The following BDH1 variants were observed in gnomAD, a reference collection of about 807,000 sequenced individuals.
BDH1 encodes the protein 3-hydroxybutyrate dehydrogenase 1.
A neutral mutation model predicts 33.1 loss-of-function variants in BDH1; 30 were observed. That is an observed-to-expected ratio of 0.91 (90% CI 0.68 to 1.23). BDH1 has a LOEUF of 1.23. Ranked by LOEUF, BDH1 falls within the 50% of genes most tolerant of loss-of-function variation. BDH1 has a pLI of 0.00. For synonymous variants in BDH1, 190 were observed against 183.6 expected, an observed-to-expected ratio of 1.03 and a Z score of -0.28; for missense variants, 443 against 464.4, an observed-to-expected ratio of 0.95 and a Z score of 0.42.
intron 2 of BDH1, among the ~76,000 whole-genome samples, chr3:197,549,509 T>G (rs532508667): frequency 6.6e-6 from 1 of 152,210 alleles, no homozygotes; most frequent in African/African-American, 2.4e-5. Context: ...ACTAACATTC[T>G]CAGCAGAGGC....
Position 197,554,110 on chromosome 3 carries a change from G to C in BDH1, c.-44+452C>G, listed in dbSNP as rs1213691660. Among the ~76,000 whole-genome samples, 1 of 151,968 alleles carries C rather than the reference G, an allele frequency of 6.6e-6. No homozygotes were observed. The highest frequency in any genetic ancestry group is 1.5e-5 in the Non-Finnish European group (1 of 68,010). On this transcript the variant is annotated intron_variant, in intron 2 of 7. Coordinates refer to ENST00000392379, the MANE Select transcript of BDH1 (RefSeq NM_203314.3). This position sits in a 1 kb window ranked among gnomAD's most constrained non-coding sequence, Gnocchi z 4.4. ...ACAAGCCCTGTACTTTCCAATTTTC[G>C]AGCCTTGCTCATCCTATACCAAACT...
In BDH1 at chr3:197,564,453, AC is replaced by A. The variant is rs1386429538; in HGVS notation, c.-44+8727del. On this transcript the variant is annotated intron_variant, in intron 1 of 6. Transcript: ENST00000358186. ...GTCTCTCTGTATGAGGTTTTAAAGT[AC>A]TTGTGACATTTAGTTACAGGGCTTT... is the stretch of plus-strand genomic sequence containing the variant. 4.2e-4 allele frequency among the ~76,000 whole-genome samples: 64 copies of A among 152,166 alleles called. 1 individual carries two copies. The highest frequency in any genetic ancestry group is 4.2e-3 in the Admixed American group (64 of 15,282).
chr3:197,515,102 CG>C (rs1366997646), intron 6 of BDH1, among the ~76,000 whole-genome samples: 1 of 152,214 alleles, frequency 6.6e-6, no homozygotes, highest in African/African-American at 2.4e-5. Context: ...GGGAACTCGG[CG>C]CTGCTTTATT....
In BDH1 at chr3:197,554,027, T is replaced by C. The variant is rs1269947667; in HGVS notation, c.-44+535A>G. 1.3e-5 allele frequency among the ~76,000 whole-genome samples: 2 copies of C among 152,128 alleles called. No individual in the cohort carries two copies. Among genetic ancestry groups the C allele is most frequent in the African/African-American group, 2.4e-5 (1 of 41,424 alleles). On this transcript the variant is annotated intron_variant, in intron 2 of 7. Transcript: ENST00000392379. This position sits in a 1 kb window ranked among gnomAD's most constrained non-coding sequence, Gnocchi z 4.4. ...GTCCTCACCTGGCTCCTCCAAACCG[T>C]ATCTCCAACTATACTTTTCTCCTCT...
chr3:197,568,207 G>A (rs1441165627), intron 1 of BDH1, among the ~76,000 whole-genome samples: 2 of 152,118 alleles, frequency 1.3e-5, no homozygotes, highest in Non-Finnish European at 2.9e-5. Context: ...CTGGGCGATA[G>A]GGAATAAAAA....
chr3:197,531,684 A>G (rs1714677310), intron 5 of BDH1, among the ~76,000 whole-genome samples: 1 of 152,150 alleles, frequency 6.6e-6, no homozygotes. Context: ...GGCTAGAGGT[A>G]TATGTGGAGA....
At chr3:197,550,942 G>A (rs1344494044) in intron 2 of BDH1, among the ~76,000 whole-genome samples, 1 of 152,144 alleles carries the variant, frequency 6.6e-6, no homozygotes, top group Non-Finnish European at 1.5e-5. Context: ...TTATTTTTAT[G>A]GGTAGGTCGT....
intron 1 of BDH1, among the ~76,000 whole-genome samples, chr3:197,568,189 G>A (rs1162123145): frequency 6.6e-6 from 1 of 152,170 alleles, no homozygotes; most frequent in East Asian, 1.9e-4. Flanking sequence ...CTGCTTTGCT[G>A]AGTTCTGCTG....
intron 1 of BDH1, among the ~76,000 whole-genome samples, chr3:197,563,103 A>T (rs1717319636): frequency 6.6e-6 from 1 of 152,168 alleles, no homozygotes; most frequent in East Asian, 1.9e-4. Context: ...CTGGAGTAAA[A>T]GTTATAGAAT....
At position 197,522,698 on chromosome 3, in the gene BDH1, G is replaced by A. The variant is rs775415137; in HGVS notation, c.351C>T (p.Ser117=). ...TCTCCACCACTTTCTCCACCTCTTC[G>A]CTGCTGCAGACATTGAGCTGGACGG... is the stretch of plus-strand genomic sequence containing the variant. ...LRTVQLNVCS[S]EEVEKVVEIV... The change falls in exon 6 of 8, where the codon AGC becomes AGT. Residue 117 remains serine, a synonymous_variant. Transcript: ENST00000392379. The surrounding 1 kb of genome is among the most constrained non-coding windows in gnomAD (Gnocchi z 4.8). 22 of 1,614,016 alleles carry A rather than the reference G, an allele frequency of 1.4e-5. No homozygotes were observed. The highest frequency in any genetic ancestry group is 4.5e-5 in the East Asian group (2 of 44,876).
chr3:197,563,586 C>T (rs867652322), intron 1 of BDH1, among the ~76,000 whole-genome samples: 1 of 152,082 alleles, frequency 6.6e-6, no homozygotes, highest in South Asian at 2.1e-4. Context: ...GAATGTAATA[C>T]TTGTAGACAA....
intron 6 of BDH1, among the ~76,000 whole-genome samples, chr3:197,517,328 TG>T (rs1333469218): frequency 1.2e-5 from 1 of 82,460 alleles, no homozygotes; most frequent in Non-Finnish European, 2.3e-5. Context: ...TCCTGCTCTA[TG>T]GTCTCCATCC....
chr3:197,517,466 C>CG (rs1560306710), intron 6 of BDH1, among the ~76,000 whole-genome samples: 1 of 75,148 alleles, frequency 1.3e-5, no homozygotes, highest in African/African-American at 4.9e-5. Flanking sequence ...CCGACCCCCT[C>CG]ATCAGTCATT....
At position 197,554,676 on chromosome 3, in the gene BDH1, G is replaced by C. The variant is rs1283174724; in HGVS notation, c.-158C>G. On this transcript the variant is annotated 5_prime_UTR_variant, in exon 2 of 8. Coordinates refer to ENST00000392379, the MANE Select transcript of BDH1 (RefSeq NM_203314.3). The surrounding 1 kb of genome is among the most constrained non-coding windows in gnomAD (Gnocchi z 4.4). The stretch of plus-strand genomic sequence containing the variant: ...AAAGTAGGAACTGCAGGGTGACTCT[G>C]CATCAGCTGACTACAGGCAGATTTC... The C allele has an allele frequency of 6.6e-6, 1 of 151,988 alleles. No homozygotes were observed. The highest frequency in any genetic ancestry group is 1.5e-5 in the Non-Finnish European group (1 of 67,984). The allele number at this position is 151,988 out of a possible 1,614,324, so 9.4% of individuals were successfully genotyped here.
Position 197,521,833 on chromosome 3 carries a change from G to A in BDH1, c.409+807C>T, listed in dbSNP as rs1446532161. ...AGTCCAGAACCCATGTTTAACTCCCGCTTTGAATCCACCTTCACATTGCCA... is the reference window on the plus strand; with the variant it reads ...AGTCCAGAACCCATGTTTAACTCCCACTTTGAATCCACCTTCACATTGCCA... On this transcript the variant is annotated intron_variant, in intron 6 of 7. Transcript: ENST00000392379. The surrounding 1 kb of genome is among the most constrained non-coding windows in gnomAD (Gnocchi z 4.9). Among the ~76,000 whole-genome samples the A allele has an allele frequency of 2.0e-5, 3 of 152,094 alleles. No individual in the cohort carries two copies. Among genetic ancestry groups the A allele is most frequent in the African/African-American group, 7.2e-5 (3 of 41,404 alleles).
At chr3:197,513,055 C>T (rs1712249507) in intron 7 of BDH1, among the ~76,000 whole-genome samples, 2 of 152,148 alleles carry the variant, frequency 1.3e-5, no homozygotes, top group Admixed American at 1.3e-4. Flanking sequence ...GCAAACAGAG[C>T]AGCAGGCAGG....
intron 6 of BDH1, among the ~76,000 whole-genome samples, chr3:197,518,584 C>A (rs887845060): frequency 3.8e-4 from 5 of 13,230 alleles, no homozygotes; most frequent in Non-Finnish European, 5.1e-4. Context: ...CTCAGGCTGA[C>A]CCCCCCAATC....
At chr3:197,546,252 G>GA in intron 3 of BDH1, 109 bp downstream of exon 3, 1 of 1,064,276 alleles carries the variant, frequency 9.4e-7, no homozygotes, top group Non-Finnish European at 1.4e-6. Flanking sequence ...GGTATTGAGA[G>GA]ACATCTCTGA....
rs1341875943 is a variant in BDH1 at position 197,545,180 on chromosome 3, G to GT, written c.83+1180dup. 3.3e-5 allele frequency among the ~76,000 whole-genome samples: 5 copies of GT among 152,140 alleles called. No homozygotes were observed. In the South Asian group the frequency reaches 6.2e-4, roughly 19 times the overall value. Reference sequence around the variant, plus strand: ...TAACAGAAAGAAAAAGGTATTTCTTGTTTTTTCCTTGCTCAGACTGCAAAA... The same window carrying GT: ...TAACAGAAAGAAAAAGGTATTTCTTGTTTTTTTCCTTGCTCAGACTGCAAAA... On this transcript the variant is annotated intron_variant, in intron 3 of 7. Coordinates refer to ENST00000392379, the MANE Select transcript of BDH1 (RefSeq NM_203314.3).
Sources: allele counts gnomAD v4.1 joint callset (sites outside exome capture counted in the v4.1 genomes callset), GRCh38; gene constraint gnomAD v4.1.1; non-coding constraint Gnocchi (gnomAD v3.1); transcripts MANE v1.5; gene names NCBI Gene and HGNC (gene_info 2026-07-23, HGNC 2026-07-21).